ADGRV1: variants seen among roughly 807,000 people sequenced by gnomAD.
The protein encoded by ADGRV1 is G-protein coupled receptor 98.
ADGRV1 carries 359 observed loss-of-function variants against 596.2 expected under a neutral mutation model. The observed-to-expected ratio is 0.60, with a 90% CI of 0.55 to 0.66. The LOEUF (loss-of-function observed/expected upper bound fraction) is 0.66, where lower values mean the gene tolerates loss of function less well. Among genes scored for constraint, ADGRV1 ranks in the 30% least tolerant of loss-of-function variants. The pLI is 0.00. For synonymous variants in ADGRV1, 2,681 were observed against 2,679.2 expected (o/e 1.00, Z -0.02); for missense variants, 7,274 against 7,575.6 (o/e 0.96, Z 1.48).
intron 85 of ADGRV1, among the ~76,000 whole-genome samples, chr5:91,065,926 A>T (rs1214765771): frequency 6.6e-6 from 1 of 152,228 alleles, no homozygotes; most frequent in Non-Finnish European, 1.5e-5. Flanking sequence ...GGTTCTAATA[A>T]GAAAATCTAT....
chr5:90,883,404 A>G (rs1186784891), intron 83 of ADGRV1, among the ~76,000 whole-genome samples: 1 of 152,178 alleles, frequency 6.6e-6, no homozygotes, highest in Non-Finnish European at 1.5e-5. Flanking sequence ...TTTAGTAGGT[A>G]TAAAATCCAG....
intron 45 of ADGRV1, among the ~76,000 whole-genome samples, chr5:90,721,655 G>GA (rs892172439): frequency 3.3e-5 from 5 of 151,634 alleles, no homozygotes; most frequent in African/African-American, 1.2e-4. Context: ...TAGGGGATGG[G>GA]GGTGACAGAA....
At chr5:90,945,930 A>C (rs990765843) in intron 83 of ADGRV1, among the ~76,000 whole-genome samples, 15 of 152,030 alleles carry the variant, frequency 9.9e-5, no homozygotes, top group Non-Finnish European at 1.9e-4. Context: ...GTGAGACAAG[A>C]TCTTGCCACT....
intron 87 of ADGRV1, among the ~76,000 whole-genome samples, chr5:91,112,387 A>C (rs1297293674): frequency 6.6e-6 from 1 of 152,108 alleles, no homozygotes; most frequent in Non-Finnish European, 1.5e-5. Flanking sequence ...CATTTATTGC[A>C]TCTTAAACAA....
At chr5:91,068,932 A>G (rs1788131191) in intron 85 of ADGRV1, among the ~76,000 whole-genome samples, 1 of 152,174 alleles carries the variant, frequency 6.6e-6, no homozygotes, top group South Asian at 2.1e-4. Context: ...TGGTACTGAT[A>G]CAAAAACAGA....
intron 50 of ADGRV1, among the ~76,000 whole-genome samples, chr5:90,744,201 C>T (rs145961812): frequency 3.3e-4 from 50 of 152,150 alleles, no homozygotes; most frequent in East Asian, 9.7e-4. Context: ...TGCCGGGTCT[C>T]GAACCCCTGG....
At chr5:91,006,745 C>T (rs1782313541) in intron 85 of ADGRV1, among the ~76,000 whole-genome samples, 1 of 151,550 alleles carries the variant, frequency 6.6e-6, no homozygotes, top group Non-Finnish European at 1.5e-5. Flanking sequence ...ATTTAATATA[C>T]TAGATATCTT....
chr5:90,959,875 C>T (rs1416334401), intron 83 of ADGRV1, among the ~76,000 whole-genome samples: 1 of 152,162 alleles, frequency 6.6e-6, no homozygotes, highest in South Asian at 2.1e-4. Context: ...CGCAGTGGCT[C>T]ACGCCTGTAA....
intron 84 of ADGRV1, among the ~76,000 whole-genome samples, chr5:90,973,383 G>C (rs543445593): frequency 2.0e-5 from 3 of 152,128 alleles, no homozygotes; most frequent in Non-Finnish European, 4.4e-5. Flanking sequence ...ACCAAAGCCT[G>C]GCAGAGACAC....
chr5:91,035,171 A>G (rs943930448), intron 85 of ADGRV1, among the ~76,000 whole-genome samples: 2 of 152,056 alleles, frequency 1.3e-5, no homozygotes, highest in Non-Finnish European at 2.9e-5. Flanking sequence ...CTGCCACCAT[A>G]TGTTGTATGC....
chr5:91,081,734 C>T lies in ADGRV1; in HGVS notation c.18310+9130C>T, dbSNP rs149775795. Among the ~76,000 whole-genome samples, 103 of 152,204 alleles carry T rather than the reference C, an allele frequency of 6.8e-4. 1 individual carries two copies. In the South Asian group the frequency reaches 6.9e-3, roughly 10 times the overall value. On this transcript the variant is annotated intron_variant, in intron 86 of 89. Coordinates refer to ENST00000405460, the MANE Select transcript of ADGRV1 (RefSeq NM_032119.4). ...CCGGGAGGCAGAGGTTGCAGTGAGC[C>T]AAGATCATGCCATTGTACTTCAGCC...
intron 83 of ADGRV1, among the ~76,000 whole-genome samples, chr5:90,953,258 C>G (rs185427768): frequency 1.3e-4 from 20 of 152,134 alleles, no homozygotes; most frequent in Non-Finnish European, 2.9e-4. Context: ...GCTGTCAGAC[C>G]TTTGTTACCT....
chr5:90,834,673 A>G (rs1393972424), intron 77 of ADGRV1, among the ~76,000 whole-genome samples: 2 of 152,104 alleles, frequency 1.3e-5, no homozygotes, highest in South Asian at 2.1e-4. Flanking sequence ...TTGTACTTGA[A>G]TACTGATATC....
At chr5:90,669,065 T>A (rs778532455) in intron 21 of ADGRV1, among the ~76,000 whole-genome samples, 11 of 152,230 alleles carry the variant, frequency 7.2e-5, no homozygotes, top group Non-Finnish European at 1.5e-4. Flanking sequence ...TAATGGTTTA[T>A]TAATTTAACT....
At chr5:91,058,777 A>G (rs1322356297) in intron 85 of ADGRV1, among the ~76,000 whole-genome samples, 1 of 152,194 alleles carries the variant, frequency 6.6e-6, no homozygotes, top group Non-Finnish European at 1.5e-5. Flanking sequence ...GCAAAGGGAA[A>G]GTTTTCCTCC....
chr5:91,044,797 G>C (rs1785651198), intron 85 of ADGRV1, among the ~76,000 whole-genome samples: 1 of 152,132 alleles, frequency 6.6e-6, no homozygotes, highest in African/African-American at 2.4e-5. Flanking sequence ...TTATGTACCA[G>C]TATGCTTAGC....
chr5:90,766,279 C>T (rs73177427), intron 59 of ADGRV1, among the ~76,000 whole-genome samples: 2,747 of 151,942 alleles, frequency 0.018, 83 homozygotes, highest in African/African-American at 0.064. Flanking sequence ...TCACATTTTT[C>T]CTCTTCTGAT....
chr5:90,751,888 G>A (rs1755299373), intron 53 of ADGRV1, among the ~76,000 whole-genome samples: 1 of 152,036 alleles, frequency 6.6e-6, no homozygotes, highest in Non-Finnish European at 1.5e-5. Context: ...GTGTCTGTCA[G>A]GTTCTATATG....
chr5:90,667,875 G>A (rs1771722145), intron 21 of ADGRV1, among the ~76,000 whole-genome samples: 1 of 151,996 alleles, frequency 6.6e-6, no homozygotes, highest in Admixed American at 6.5e-5. Context: ...TGCCGTGTGA[G>A]GTGTCAGTGT....
Sources: gnomAD v4.1 joint callset for allele counts (sites outside exome capture counted in the v4.1 genomes callset) on GRCh38, gnomAD v4.1.1 for gene constraint, MANE v1.5 for transcripts, NCBI Gene and HGNC (gene_info 2026-07-23, HGNC 2026-07-21) for gene names.